Variants in AGBL1 observed in about 807,000 individuals in gnomAD.
AGBL1 encodes the protein cytosolic carboxypeptidase 4.
In AGBL1, 130 loss-of-function variants were observed where a neutral mutation model predicts 118.9. That is an observed-to-expected ratio of 1.09 (90% CI 0.95 to 1.26). AGBL1 has a LOEUF of 1.26. Among genes scored for constraint, AGBL1 ranks in the 50% most tolerant of loss-of-function variants. The pLI, the probability that AGBL1 is intolerant of heterozygous loss-of-function variation, is 0.00. For missense variants in AGBL1, 1,584 were observed against 1,298.1 expected, an observed-to-expected ratio of 1.22 and a Z score of -3.38; for synonymous variants, 555 against 478.9, an observed-to-expected ratio of 1.16 and a Z score of -2.08.
At chr15:86,336,141 G>T (rs554809091) in intron 17 of AGBL1, among the ~76,000 whole-genome samples, 1 of 152,298 alleles carries the variant, frequency 6.6e-6, no homozygotes, top group Non-Finnish European at 1.5e-5. Context: ...GTGATAGAGT[G>T]CCCTAGGCAT....
At chr15:86,786,100 ATTATT>A (rs978886084) in intron 22 of AGBL1, among the ~76,000 whole-genome samples, 1 of 151,914 alleles carries the variant, frequency 6.6e-6, no homozygotes, top group African/African-American at 2.4e-5. Flanking sequence ...GTTTTTCTGG[ATTATT>A]TTATTTTATT....
intron 22 of AGBL1, among the ~76,000 whole-genome samples, chr15:86,828,086 C>T (rs1310776183): frequency 6.6e-6 from 1 of 151,262 alleles, no homozygotes; most frequent in Non-Finnish European, 1.5e-5. Flanking sequence ...ACTACAAATA[C>T]ATGCCACCTT....
In AGBL1 at chr15:86,465,840, C is replaced by T. The variant is rs140425511; in HGVS notation, c.2556-56970C>T. Among the ~76,000 whole-genome samples the T allele has an allele frequency of 5.4e-3, 829 of 152,312 alleles. 3 individuals carry two copies. The highest frequency in any genetic ancestry group is 8.5e-3 in the Non-Finnish European group (575 of 68,036). On this transcript the variant is annotated intron_variant, in intron 18 of 22. Transcript: ENST00000614907. ...CTTCATCAGTAATTCTACTTTCACC[C>T]TGGCCTTGTGATCTCACTCTGCCTC...
chr15:86,221,011 C>A (rs762633985), intron 5 of AGBL1, among the ~76,000 whole-genome samples: 2 of 151,990 alleles, frequency 1.3e-5, no homozygotes, highest in African/African-American at 2.4e-5. Flanking sequence ...ACCAGCCTAG[C>A]CAACATGGTG....
At chr15:86,866,762 G>T (rs779442351) in intron 22 of AGBL1, among the ~76,000 whole-genome samples, 19 of 152,212 alleles carry the variant, frequency 1.2e-4, no homozygotes, top group Non-Finnish European at 2.5e-4. Flanking sequence ...TGAGGCAGGA[G>T]AATTGCTTGA....
intron 22 of AGBL1, among the ~76,000 whole-genome samples, chr15:86,796,886 T>G (rs550667647): frequency 1.2e-4 from 18 of 152,316 alleles, no homozygotes; most frequent in African/African-American, 4.1e-4. Context: ...TAAGTCTTTC[T>G]CACTACAAAG....
At chr15:86,936,092 T>C (rs927049398) in intron 23 of AGBL1, among the ~76,000 whole-genome samples, 1 of 152,194 alleles carries the variant, frequency 6.6e-6, no homozygotes, top group African/African-American at 2.4e-5. Context: ...GCTCGGCAGG[T>C]GCAGCCCTGG....
chr15:86,142,552 A>G (rs1292983173), intron 2 of AGBL1, among the ~76,000 whole-genome samples: 1 of 152,234 alleles, frequency 6.6e-6, no homozygotes, highest in Non-Finnish European at 1.5e-5. Context: ...AGATTTTTGA[A>G]CATTCCAACA....
intron 21 of AGBL1, among the ~76,000 whole-genome samples, chr15:86,573,920 C>T (rs936821586): frequency 1.3e-5 from 2 of 152,074 alleles, no homozygotes; most frequent in Admixed American, 1.3e-4. Flanking sequence ...CTGAAAACAA[C>T]AAAAATCACA....
chr15:86,232,793 G>A (rs992188541), intron 6 of AGBL1, among the ~76,000 whole-genome samples: 3 of 152,114 alleles, frequency 2.0e-5, no homozygotes, highest in Non-Finnish European at 4.4e-5. Context: ...CACCATGTAA[G>A]GACAATGCCC....
At chr15:86,894,180 T>C (rs1481502793) in intron 22 of AGBL1, among the ~76,000 whole-genome samples, 1 of 152,176 alleles carries the variant, frequency 6.6e-6, no homozygotes, top group Non-Finnish European at 1.5e-5. Context: ...CACATCTCAA[T>C]ATTAAGGCCC....
intron 22 of AGBL1, among the ~76,000 whole-genome samples, chr15:86,849,886 C>T (rs978039466): frequency 1.4e-4 from 21 of 152,144 alleles, no homozygotes; most frequent in Non-Finnish European, 2.9e-4. Flanking sequence ...GTCGACATCA[C>T]GCTTTAATTT....
At chr15:86,284,500 A>G (rs1158401601) in intron 16 of AGBL1, among the ~76,000 whole-genome samples, 1 of 152,202 alleles carries the variant, frequency 6.6e-6, no homozygotes, top group Non-Finnish European at 1.5e-5. Flanking sequence ...TGCCTGTAGC[A>G]TATTCTTGTA....
Position 86,414,243 on chromosome 15 carries a change from G to A in AGBL1, c.2555+16697G>A, listed in dbSNP as rs2081659756. On this transcript the variant is annotated intron_variant, in intron 18 of 22. Coordinates refer to ENST00000614907, the MANE Select transcript of AGBL1 (RefSeq NM_001386094.1). ...TGAGTACACTGTACATTATTCAGGT[G>A]ATAGGTATACTAGAAACCCAGACTT... is the stretch of plus-strand genomic sequence containing the variant. Among the ~76,000 whole-genome samples, 2 of 152,142 alleles carry A rather than the reference G, an allele frequency of 1.3e-5. 1 individual carries two copies. The highest frequency in any genetic ancestry group is 1.3e-4 in the Admixed American group (2 of 15,246).
intron 19 of AGBL1, among the ~76,000 whole-genome samples, chr15:86,534,867 A>G (rs74251109): frequency 0.03 from 4,553 of 152,290 alleles, 102 homozygotes; most frequent in East Asian, 0.083. Context: ...ACATAAATTG[A>G]ACAGTGTTTG....
intron 21 of AGBL1, among the ~76,000 whole-genome samples, chr15:86,579,640 G>A (rs925291836): frequency 6.6e-6 from 1 of 152,180 alleles, no homozygotes; most frequent in African/African-American, 2.4e-5. Context: ...GTTTATTTCA[G>A]ACACAGTAAG....
At chr15:86,153,382 A>C (rs2077142601) in intron 3 of AGBL1, among the ~76,000 whole-genome samples, 1 of 152,126 alleles carries the variant, frequency 6.6e-6, no homozygotes, top group Non-Finnish European at 1.5e-5. Context: ...GAAGCTGGAA[A>C]CCATCATTCT....
At chr15:86,865,708 T>C (rs2079618128) in intron 22 of AGBL1, among the ~76,000 whole-genome samples, 1 of 152,196 alleles carries the variant, frequency 6.6e-6, no homozygotes, top group Admixed American at 6.5e-5. Flanking sequence ...ATGTTATAAC[T>C]CAGCAGAGTG....
intron 18 of AGBL1, among the ~76,000 whole-genome samples, chr15:86,456,665 A>G (rs2082262746): frequency 6.6e-6 from 1 of 152,208 alleles, no homozygotes; most frequent in South Asian, 2.1e-4. Flanking sequence ...TAAAAGCTGC[A>G]CATTGATTAG....
Sources: allele counts gnomAD v4.1 joint callset (sites outside exome capture counted in the v4.1 genomes callset), GRCh38; gene constraint gnomAD v4.1.1; transcripts MANE v1.5; gene names NCBI Gene and HGNC (gene_info 2026-07-23, HGNC 2026-07-21).